Variants in OPCML observed in about 807,000 individuals in gnomAD.
OPCML encodes opioid binding protein/cell adhesion molecule like.
In OPCML, 13 loss-of-function variants were observed where a neutral mutation model predicts 37.8. That is an observed-to-expected ratio of 0.34 (90% CI 0.22 to 0.55). The LOEUF is 0.55. Ranked by LOEUF, OPCML falls within the 20% of genes least tolerant of loss-of-function variation. The pLI is 0.91. For synonymous variants in OPCML, 176 were observed against 168.8 expected, an observed-to-expected ratio of 1.04 and a Z score of -0.33; for missense variants, 341 against 435.6, an observed-to-expected ratio of 0.78 and a Z score of 1.93.
At chr11:132,576,218 A>G (rs1348948964) in intron 3 of OPCML, among the ~76,000 whole-genome samples, 1 of 151,796 alleles carries the variant, frequency 6.6e-6, no homozygotes, top group African/African-American at 2.4e-5. Flanking sequence ...GAAAGTTTTC[A>G]GTTATTATTT....
intron 1 of OPCML, among the ~76,000 whole-genome samples, chr11:133,454,158 T>C (rs1282887568): frequency 6.6e-6 from 1 of 152,228 alleles, no homozygotes; most frequent in Non-Finnish European, 1.5e-5. Context: ...ATGATAGTTC[T>C]GTGGAAATCA....
intron 1 of OPCML, among the ~76,000 whole-genome samples, chr11:133,010,867 A>G (rs1316252950): frequency 2.0e-5 from 3 of 152,230 alleles, no homozygotes; most frequent in African/African-American, 4.8e-5. Context: ...AAGATGAGGA[A>G]CATGAAGCTT....
intron 1 of OPCML, among the ~76,000 whole-genome samples, chr11:132,991,786 C>T (rs1054930474): frequency 3.3e-5 from 5 of 152,132 alleles, no homozygotes; most frequent in African/African-American, 4.8e-5. Context: ...GGTTGATTCC[C>T]GATCCCTGTT....
intron 1 of OPCML, among the ~76,000 whole-genome samples, chr11:133,233,197 T>C (rs964658744): frequency 3.3e-5 from 5 of 152,172 alleles, no homozygotes; most frequent in African/African-American, 1.2e-4. Flanking sequence ...GTTTCCAGAC[T>C]GGGGAGAAGA....
intron 1 of OPCML, among the ~76,000 whole-genome samples, chr11:133,088,162 C>CTATTACTA (rs1052750661): frequency 6.6e-6 from 1 of 152,150 alleles, no homozygotes; most frequent in African/African-American, 2.4e-5. Context: ...AGTACTATTA[C>CTATTACTA]TTACTGTAGG....
rs1056707550 is a variant in OPCML at position 132,479,713 on chromosome 11, G to T, written c.506-42354C>A. Among the ~76,000 whole-genome samples, 3 of 152,282 alleles carry T rather than the reference G, an allele frequency of 2.0e-5. No individual in the cohort carries two copies. In the East Asian group the frequency reaches 5.8e-4, roughly 29 times the overall value. ...AGACTGCCTCCTCAAGTGGGTCCCT[G>T]ACCCCTGACCCCCAAGCAGCCTAAC... On this transcript the variant is annotated intron_variant, in intron 4 of 7. Coordinates refer to ENST00000524381, the MANE Select transcript of OPCML (RefSeq NM_001012393.5).
chr11:133,492,613 G>A (rs993503222), intron 1 of OPCML, among the ~76,000 whole-genome samples: 1 of 151,670 alleles, frequency 6.6e-6, no homozygotes, highest in Non-Finnish European at 1.5e-5. Flanking sequence ...GAAGAATTAA[G>A]TTGGAGACAA....
chr11:133,048,305 C>T lies in OPCML; in HGVS notation c.62-105295G>A, dbSNP rs576065703. ...AGACACAGGCGTGCATTAACTCAAT[C>T]GACAAATAGTAACGTTGAGTTTCAA... On this transcript the variant is annotated intron_variant, in intron 1 of 7. Transcript: ENST00000524381. Among the ~76,000 whole-genome samples the T allele has an allele frequency of 2.6e-5, 4 of 152,160 alleles. No individual in the cohort carries two copies. The East Asian group carries it at 7.8e-4, about 30-fold the overall frequency.
chr11:132,787,347 G>A (rs1362009726), intron 2 of OPCML, among the ~76,000 whole-genome samples: 9 of 152,232 alleles, frequency 5.9e-5, no homozygotes, highest in South Asian at 2.1e-4. Context: ...ACCTAGTTAC[G>A]GAATGAAGGT....
intron 2 of OPCML, among the ~76,000 whole-genome samples, chr11:132,675,034 G>T (rs1294616513): frequency 6.6e-5 from 10 of 151,996 alleles, no homozygotes; most frequent in Admixed American, 6.6e-4. Flanking sequence ...TCATTAAATA[G>T]AATATCCTAC....
intron 1 of OPCML, among the ~76,000 whole-genome samples, chr11:133,405,113 G>A (rs76048398): frequency 0.07 from 10,673 of 152,202 alleles, 1,066 homozygotes; most frequent in African/African-American, 0.22. Context: ...TATTAAGGAC[G>A]CTTGCTCAAG....
intron 2 of OPCML, among the ~76,000 whole-genome samples, chr11:132,736,514 A>G (rs1945265708): frequency 6.6e-6 from 1 of 152,154 alleles, no homozygotes; most frequent in African/African-American, 2.4e-5. Context: ...CCACTACAGA[A>G]CCCTTCCACA....
chr11:132,790,149 C>T (rs755563634), intron 2 of OPCML, among the ~76,000 whole-genome samples: 2 of 152,164 alleles, frequency 1.3e-5, no homozygotes, highest in Admixed American at 6.5e-5. Context: ...CCCCCATGTT[C>T]GTTGCAGCAC....
rs1361065190 is a variant in OPCML, at chr11:132,420,414, G to A, written c.917-121C>T. The A allele has an allele frequency of 2.0e-5, 29 of 1,435,506 alleles. No homozygotes were observed. The East Asian group carries it at 7.5e-4, about 37-fold the overall frequency. 88.9% of individuals were successfully genotyped at this position (1,435,506 alleles called of 1,614,324 possible). ...TCCACCCTTCCGCTGACCATTCCAA[G>A]TCTAAACAAAGGAAAAAGCCCATTG... On this transcript the variant is annotated intron_variant, in intron 7 of 7. Coordinates refer to ENST00000524381, the MANE Select transcript of OPCML (RefSeq NM_001012393.5).
rs963267638 is a variant in OPCML, at chr11:132,429,819, T to C, written c.916+6267A>G. On this transcript the variant is annotated intron_variant, in intron 7 of 7. Transcript: ENST00000524381. ...ATTTTTAAAGCATCCGGAATAAGGC[T>C]AATGCAGGCCAACAAATACCTCACC... 7.2e-5 allele frequency among the ~76,000 whole-genome samples: 11 copies of C among 152,234 alleles called. No homozygotes were observed. The East Asian group carries it at 1.9e-3, about 27-fold the overall frequency.
chr11:132,610,328 T>C (rs1404647702), intron 3 of OPCML, among the ~76,000 whole-genome samples: 1 of 152,200 alleles, frequency 6.6e-6, no homozygotes, highest in Non-Finnish European at 1.5e-5. Flanking sequence ...TCCTATAATA[T>C]AAATATCTGG....
chr11:132,478,295 T>C (rs2096164500), intron 4 of OPCML, among the ~76,000 whole-genome samples: 1 of 152,204 alleles, frequency 6.6e-6, no homozygotes, highest in Non-Finnish European at 1.5e-5. Context: ...ATACCATTTC[T>C]AACTATAAGA....
intron 2 of OPCML, among the ~76,000 whole-genome samples, chr11:132,709,239 A>G (rs1181276071): frequency 1.3e-5 from 2 of 152,204 alleles, no homozygotes; most frequent in Admixed American, 6.5e-5. Flanking sequence ...TCTTTCAAGC[A>G]GGCATTTTTT....
intron 3 of OPCML, among the ~76,000 whole-genome samples, chr11:132,581,509 T>C (rs1393165909): frequency 6.6e-6 from 1 of 152,150 alleles, no homozygotes; most frequent in African/African-American, 2.4e-5. Context: ...TGTTCACACA[T>C]AGGTAACAAA....
Sources: gnomAD v4.1 joint callset for allele counts (sites outside exome capture counted in the v4.1 genomes callset) on GRCh38, gnomAD v4.1.1 for gene constraint, MANE v1.5 for transcripts, NCBI Gene and HGNC (gene_info 2026-07-23, HGNC 2026-07-21) for gene names.